The following ANKS3 variants were observed in gnomAD, a reference collection of about 807,000 sequenced individuals.
ANKS3 encodes the protein ankyrin repeat and sterile alpha motif domain containing 3.
ANKS3 carries 62 observed loss-of-function variants against 80.7 expected under a neutral mutation model. That is an observed-to-expected ratio of 0.77 (90% CI 0.63 to 0.95). The LOEUF is 0.95. Ranked by LOEUF, ANKS3 falls within the 40% of genes least tolerant of loss-of-function variation. The pLI is 0.00. For synonymous variants in ANKS3, 489 were observed against 355.3 expected (o/e 1.38, Z -4.23); for missense variants, 1,150 against 883.6 (o/e 1.30, Z -3.82).
At chr16:4,729,767 A>C in intron 3 of ANKS3, 1 of 413,028 alleles carries the variant, frequency 2.4e-6, no homozygotes. Context: ...GCTTCTGATC[A>C]AAGTTTACTC....
At chr16:4,697,834 G>C in intron 15 of ANKS3, 143 bp downstream of exon 15, 2 of 813,268 alleles carry the variant, frequency 2.5e-6, no homozygotes, top group South Asian at 1.9e-5. Flanking sequence ...TCTTTTCCTT[G>C]GACTCTGGGA....
intron 8 of ANKS3, among the ~76,000 whole-genome samples, chr16:4,704,567 G>A (rs150360546): frequency 2.6e-5 from 4 of 152,148 alleles, no homozygotes; most frequent in Admixed American, 6.5e-5. Context: ...GAGAATGAAC[G>A]AGACTGGAAA....
At chr16:4,714,563 C>G (rs1287979226) in intron 6 of ANKS3, among the ~76,000 whole-genome samples, 1 of 152,236 alleles carries the variant, frequency 6.6e-6, no homozygotes, top group Admixed American at 6.5e-5. Flanking sequence ...AGAATGAAAG[C>G]ACCATCCTCT....
At chr16:4,724,212 T>C (rs965805706) in intron 6 of ANKS3, among the ~76,000 whole-genome samples, 2 of 152,214 alleles carry the variant, frequency 1.3e-5, no homozygotes, top group Non-Finnish European at 2.9e-5. Flanking sequence ...ACTCATTAAA[T>C]TAACTGAGGC....
intron 7 of ANKS3, among the ~76,000 whole-genome samples, chr16:4,707,459 T>A (rs1261350339): frequency 6.6e-6 from 1 of 151,980 alleles, no homozygotes; most frequent in Admixed American, 6.6e-5. Flanking sequence ...TTTGTGTATT[T>A]TGAGTAGAGA....
chr16:4,729,881 A>G lies in ANKS3; in HGVS notation c.170+99T>C, dbSNP rs557414520. The G allele has an allele frequency of 6.6e-6, 8 of 1,216,786 alleles. No individual in the cohort carries two copies. In the East Asian group the frequency reaches 1.9e-4, roughly 30 times the overall value. The allele number at this position is 1,216,786 out of a possible 1,614,324, so 75.4% of individuals were successfully genotyped here. A position where few individuals can be genotyped will look rare whatever the true frequency, so the allele number is the denominator to read the frequency against. The stretch of plus-strand genomic sequence containing the variant: ...AAGCAGGTTAACCTATTCTACACGC[A>G]TTAAACATCCACAACTGTGTGCAAA... On this transcript the variant is annotated intron_variant, in intron 3 of 17. Transcript: ENST00000304283.
intron 6 of ANKS3, 127 bp from the exon 7 acceptor site, chr16:4,714,313 A>G: frequency 7.4e-7 from 1 of 1,356,888 alleles, no homozygotes; most frequent in Non-Finnish European, 1.0e-6. Flanking sequence ...GGGAAACATC[A>G]CATCTGCATG....
chr16:4,697,491 G>A, intron 15 of ANKS3, 75 bp from the exon 16 acceptor site: 2 of 1,250,874 alleles, frequency 1.6e-6, no homozygotes, highest in South Asian at 1.4e-5. Flanking sequence ...CTGAGCCCAT[G>A]CAACCAGGAG....
At chr16:4,716,890 C>G (rs892045524) in intron 6 of ANKS3, among the ~76,000 whole-genome samples, 1 of 149,888 alleles carries the variant, frequency 6.7e-6, no homozygotes, top group Non-Finnish European at 1.5e-5. Context: ...ACTACAGCCT[C>G]GACGACAGAC....
rs781572362 is a variant in ANKS3, at chr16:4,700,778, G to A, written c.1284+192C>T. The A allele has an allele frequency of 2.3e-5, 19 of 816,908 alleles. No individual in the cohort carries two copies. The East Asian group carries it at 3.4e-4, about 15-fold the overall frequency. The allele number at this position is 816,908 out of a possible 1,614,324, so 50.6% of individuals were successfully genotyped here. ...GGTCCTTTCCGTGGAGAGGAACAGAGTAGAAGCGCTGCAGCGGGGCTGCCA... is the reference window on the plus strand; with the variant it reads ...GGTCCTTTCCGTGGAGAGGAACAGAATAGAAGCGCTGCAGCGGGGCTGCCA... On this transcript the variant is annotated intron_variant, in intron 11 of 17. Coordinates refer to ENST00000304283, the MANE Select transcript of ANKS3 (RefSeq NM_133450.4).
rs779572784 is a variant in ANKS3, at chr16:4,698,947, G to T, written c.1410-6C>A. 5.6e-6 allele frequency: 9 copies of T among 1,605,340 alleles called. No homozygotes were observed. In the African/African-American group the frequency reaches 8.0e-5, roughly 14 times the overall value. Reference sequence around the variant, plus strand: ...TCCTCTTGGGCCCAAACAGCCTGCGGGGGGAATGTGACCAGGATATGCCTC... The same window carrying T: ...TCCTCTTGGGCCCAAACAGCCTGCGTGGGGAATGTGACCAGGATATGCCTC... On this transcript the variant is annotated splice_polypyrimidine_tract_variant and splice_region_variant and intron_variant, in intron 12 of 17. Transcript: ENST00000304283.
At chr16:4,723,884 C>A (rs1350630902) in intron 6 of ANKS3, among the ~76,000 whole-genome samples, 3 of 151,620 alleles carry the variant, frequency 2.0e-5, no homozygotes, top group Non-Finnish European at 4.4e-5. Flanking sequence ...AGACCCCCAA[C>A]TCTACCAAAA....
Position 4,697,095 on chromosome 16 carries a change from A to G in ANKS3, c.1904T>C (p.Leu635Pro), listed in dbSNP as rs2079596832. Residue 635 changes from leucine to proline, a missense_variant, in exon 17 of 18, where the codon CTG (leucine) becomes CCG (proline). Physicochemically the swap from Leu to Pro is moderately conservative, Grantham distance 98. Coordinates refer to ENST00000304283, the MANE Select transcript of ANKS3 (RefSeq NM_133450.4). ...EDRVREMGQA[L>P]CLVTQSLEKL... ...CTCCAGGCTCTGGGTCACTAAGCAC[A>G]GTGCTTGCCCTGAGGAATGATGACC... The G allele has an allele frequency of 1.2e-6, 2 of 1,613,588 alleles. No homozygotes were observed. Among genetic ancestry groups the G allele is most frequent in the Admixed American group, 1.7e-5 (1 of 59,966 alleles).
chr16:4,697,361 T>C lies in ANKS3; in HGVS notation c.1866A>G (p.Gly622=). 1.2e-6 allele frequency: 2 copies of C among 1,609,844 alleles called. No homozygotes were observed. Among genetic ancestry groups the C allele is most frequent in the South Asian group, 2.2e-5 (2 of 90,902 alleles). ...TCTCACGGACACGGTCCTCCAGGGC[T>C]CCCGAGAGCTCGGGGAGGCTCATGG... ...LQAMSLPELS[G]ALEDRVREMG... is the part of the protein sequence containing the mutation. The change falls in exon 16 of 18, where the codon GGA becomes GGG. Residue 622 remains glycine (G), a synonymous_variant. Coordinates refer to ENST00000304283, the MANE Select transcript of ANKS3 (RefSeq NM_133450.4).
At chr16:4,697,539 G>A (rs2079634546) in intron 15 of ANKS3, 123 bp from the exon 16 acceptor site, 1 of 789,012 alleles carries the variant, frequency 1.3e-6, no homozygotes, top group South Asian at 1.9e-5. Context: ...CCGCCTGACA[G>A]TGTCTAAGCA....
At chr16:4,697,535 G>A (rs2079634214) in intron 15 of ANKS3, 119 bp from the exon 16 acceptor site, 1 of 820,806 alleles carries the variant, frequency 1.2e-6, no homozygotes, top group African/African-American at 1.7e-5. Context: ...CTACCCGCCT[G>A]ACAGTGTCTA....
At chr16:4,723,667 C>T (rs1430366533) in intron 6 of ANKS3, among the ~76,000 whole-genome samples, 1 of 152,222 alleles carries the variant, frequency 6.6e-6, no homozygotes, top group Non-Finnish European at 1.5e-5. Context: ...TAATATCCTG[C>T]TATACAGATA....
At chr16:4,724,430 G>C (rs918113862) in intron 6 of ANKS3, among the ~76,000 whole-genome samples, 1 of 152,142 alleles carries the variant, frequency 6.6e-6, no homozygotes, top group African/African-American at 2.4e-5. Flanking sequence ...AAGAGAGGAG[G>C]ATCTCTGCCT....
intron 11 of ANKS3, chr16:4,700,380 G>C (rs1367411965): frequency 6.0e-6 from 1 of 167,422 alleles, no homozygotes; most frequent in Non-Finnish European, 1.3e-5. Flanking sequence ...TCGCGCCACT[G>C]CACTCCAGCC....
Sources: allele counts gnomAD v4.1 joint callset (sites outside exome capture counted in the v4.1 genomes callset), GRCh38; gene constraint gnomAD v4.1.1; transcripts MANE v1.5; gene names NCBI Gene and HGNC (gene_info 2026-07-23, HGNC 2026-07-21).